The following PTPN1 variants were observed in gnomAD, a reference collection of about 807,000 sequenced individuals.
The protein encoded by PTPN1 is tyrosine-protein phosphatase non-receptor type 1.
A neutral mutation model predicts 59.9 loss-of-function variants in PTPN1; 12 were observed. That is an observed-to-expected ratio of 0.20 (90% confidence interval 0.13 to 0.32). The LOEUF (loss-of-function observed/expected upper bound fraction) is 0.32. Among genes scored for constraint, PTPN1 ranks in the 10% least tolerant of loss-of-function variants. The probability of loss-of-function intolerance (pLI) is 1.00; values close to 1 mark genes in which losing one functional copy is unlikely to be tolerated. For synonymous variants in PTPN1, 178 were observed against 203.6 expected (o/e 0.87, Z 1.07); for missense variants, 356 against 549.2 (o/e 0.65, Z 3.52).
At chr20:50,517,336 C>T (rs950250222) in intron 1 of PTPN1, among the ~76,000 whole-genome samples, 5 of 152,138 alleles carry the variant, frequency 3.3e-5, no homozygotes, top group African/African-American at 1.2e-4. Context: ...CTCACTGCAA[C>T]CTCCACCTCC....
chr20:50,550,148 C>T (rs1172412675), intron 1 of PTPN1, among the ~76,000 whole-genome samples: 1 of 152,174 alleles, frequency 6.6e-6, no homozygotes, highest in Non-Finnish European at 1.5e-5. Flanking sequence ...TCACTTACTG[C>T]ATTTTAAATC....
chr20:50,578,721 C>A, intron 6 of PTPN1, 92 bp downstream of exon 6: 1 of 1,029,942 alleles, frequency 9.7e-7, no homozygotes, highest in Non-Finnish European at 1.4e-6. Flanking sequence ...GCTCCTCTTC[C>A]AAAATACAGA....
intron 1 of PTPN1, among the ~76,000 whole-genome samples, chr20:50,556,633 A>G (rs1280020216): frequency 1.3e-5 from 2 of 152,222 alleles, no homozygotes; most frequent in Non-Finnish European, 2.9e-5. Context: ...CAAGGAGTCA[A>G]ATAGTACCGT....
At chr20:50,527,084 G>C (rs1192163756) in intron 1 of PTPN1, among the ~76,000 whole-genome samples, 2 of 152,148 alleles carry the variant, frequency 1.3e-5, no homozygotes, top group Non-Finnish European at 2.9e-5. Context: ...CATCTCACCT[G>C]TTCAAGGCAT....
At position 50,579,179 on chromosome 20, in the gene PTPN1, G is replaced by T; in HGVS notation, c.714G>T (p.Arg238Ser). The T allele has an allele frequency of 1.9e-6, 3 of 1,614,230 alleles. No homozygotes were observed. Among genetic ancestry groups the T allele is most frequent in the Non-Finnish European group, 2.5e-6 (3 of 1,180,032 alleles). ...ADTCLLLMDK[R>S]KDPSSVDIKK... ...TCTCTGGCTTTCAGATGGACAAGAG[G>T]AAAGACCCTTCTTCCGTTGATATCA... Residue 238 changes from arginine to serine, a missense_variant, in exon 7 of 10, where the codon AGG (arginine) becomes AGT (serine). Physicochemically the swap from Arg to Ser is moderately radical, Grantham distance 110 (BLOSUM62 -1). Transcript: ENST00000371621.
In PTPN1 at chr20:50,568,368, G is replaced by T. The variant is rs373273396; in HGVS notation, c.256-12G>T. 7.4e-6 allele frequency: 12 copies of T among 1,611,070 alleles called. No homozygotes were observed. Among genetic ancestry groups the T allele is most frequent in the Middle Eastern group, 1.6e-4 (1 of 6,076 alleles). On this transcript the variant is annotated splice_polypyrimidine_tract_variant and intron_variant, in intron 3 of 9. Coordinates refer to ENST00000371621, the MANE Select transcript of PTPN1 (RefSeq NM_002827.4). This position sits in a 1 kb window ranked among gnomAD's most constrained non-coding sequence, Gnocchi z 5.6. ...TTCAGATGTCACATGTTGTGTTATT[G>T]TGTCTTTGCAGGGCCCTTTGCCTAA...
At chr20:50,564,858 TG>T in intron 2 of PTPN1, 110 bp from the exon 3 acceptor site, 1 of 1,510,926 alleles carries the variant, frequency 6.6e-7, no homozygotes, top group Non-Finnish European at 8.9e-7. Flanking sequence ...TCAGCCAGTG[TG>T]AATGCCACTA....
At chr20:50,540,941 T>G (rs2082649272) in intron 1 of PTPN1, among the ~76,000 whole-genome samples, 1 of 152,202 alleles carries the variant, frequency 6.6e-6, no homozygotes, top group Admixed American at 6.5e-5. Flanking sequence ...TGTGAAAACC[T>G]TCTTGATATC....
intron 1 of PTPN1, among the ~76,000 whole-genome samples, chr20:50,540,115 G>A (rs892524600): frequency 1.3e-5 from 2 of 152,126 alleles, no homozygotes; most frequent in Admixed American, 6.5e-5. Flanking sequence ...GAGTGCAATG[G>A]CGTGATCTCG....
chr20:50,550,970 G>C (rs1233345214), intron 1 of PTPN1, among the ~76,000 whole-genome samples: 3 of 152,212 alleles, frequency 2.0e-5, no homozygotes, highest in Non-Finnish European at 4.4e-5. Context: ...TTTCCGCAAG[G>C]ATAAACTGGC....
In PTPN1 at chr20:50,583,044, C is replaced by T; in HGVS notation, c.*329C>T. On this transcript the variant is annotated 3_prime_UTR_variant, in exon 10 of 10. Coordinates refer to ENST00000371621, the MANE Select transcript of PTPN1 (RefSeq NM_002827.4). Reference sequence around the variant, plus strand: ...CCCCACCCAGGGCTCCCTCCTGGAGCATCCCAGGCGGGCGGCACGCCAACA... The same window carrying T: ...CCCCACCCAGGGCTCCCTCCTGGAGTATCCCAGGCGGGCGGCACGCCAACA... The T allele has an allele frequency of 2.8e-6, 1 of 363,604 alleles. No individual in the cohort carries two copies. Among genetic ancestry groups the T allele is most frequent in the Non-Finnish European group, 5.0e-6 (1 of 199,058 alleles). The allele number at this position is 363,604 out of a possible 1,614,324, so 22.5% of individuals were successfully genotyped here. A position where few individuals can be genotyped will look rare whatever the true frequency, so the allele number is the denominator to read the frequency against.
chr20:50,574,823 G>A, intron 5 of PTPN1, 169 bp downstream of exon 5: 1 of 775,656 alleles, frequency 1.3e-6, no homozygotes, highest in Non-Finnish European at 2.0e-6. Flanking sequence ...TACCTACCAA[G>A]TGCCCAGGGA....
At chr20:50,543,273 A>G (rs1332655611) in intron 1 of PTPN1, among the ~76,000 whole-genome samples, 1 of 152,230 alleles carries the variant, frequency 6.6e-6, no homozygotes, top group Non-Finnish European at 1.5e-5. Context: ...CAGAAGGACA[A>G]AGGAGCAGTA....
Position 50,582,690 on chromosome 20 carries a change from A to G in PTPN1, c.1285-2A>G, listed in dbSNP as rs1233684796. On this transcript the variant is annotated splice_acceptor_variant, in intron 9 of 9. Coordinates refer to ENST00000371621, the MANE Select transcript of PTPN1 (RefSeq NM_002827.4). LOFTEE classifies it high-confidence loss of function. The surrounding 1 kb of genome is among the most constrained non-coding windows in gnomAD (Gnocchi z 4.2). ...CATCTGAACTGTTTGGTTTCATTCC[A>G]GTTCCTGTTCAACAGCAACACATAG... The G allele has an allele frequency of 6.2e-7, 1 of 1,613,754 alleles. No individual in the cohort carries two copies. The highest frequency in any genetic ancestry group is 8.5e-7 in the Non-Finnish European group (1 of 1,179,872).
chr20:50,574,342 G>A (rs928832368), intron 4 of PTPN1, 175 bp from the exon 5 acceptor site: 11 of 613,780 alleles, frequency 1.8e-5, no homozygotes, highest in South Asian at 7.9e-5. Context: ...CAGCAGCTTC[G>A]TGCCCCCACC....
intron 1 of PTPN1, among the ~76,000 whole-genome samples, chr20:50,526,024 T>C (rs1292896854): frequency 6.6e-6 from 1 of 152,154 alleles, no homozygotes; most frequent in African/African-American, 2.4e-5. Context: ...ATTATGCTTT[T>C]GTTTTCTGAT....
chr20:50,561,943 C>T (rs1478857482), intron 2 of PTPN1, among the ~76,000 whole-genome samples: 1 of 152,216 alleles, frequency 6.6e-6, no homozygotes, highest in Non-Finnish European at 1.5e-5. Context: ...ATTTTTCTCC[C>T]TCTTTCCTGC....
chr20:50,543,461 G>A (rs1210908437), intron 1 of PTPN1, among the ~76,000 whole-genome samples: 1 of 152,196 alleles, frequency 6.6e-6, no homozygotes, highest in African/African-American at 2.4e-5. Flanking sequence ...CTGAAAAATA[G>A]TGATGTGTTC....
At chr20:50,531,769 C>CG (rs1276474467) in intron 1 of PTPN1, among the ~76,000 whole-genome samples, 1 of 152,168 alleles carries the variant, frequency 6.6e-6, no homozygotes, top group Non-Finnish European at 1.5e-5. Flanking sequence ...CTCTGGCCCC[C>CG]GGTCGCTCTC....
Sources: gnomAD v4.1 joint callset for allele counts (sites outside exome capture counted in the v4.1 genomes callset) on GRCh38, gnomAD v4.1.1 for gene constraint, Gnocchi (gnomAD v3.1) non-coding constraint, MANE v1.5 for transcripts, NCBI Gene and HGNC (gene_info 2026-07-23, HGNC 2026-07-21) for gene names.